The following TENM3 variants were observed in gnomAD, a reference collection of about 807,000 sequenced individuals.
The protein encoded by TENM3 is teneurin transmembrane protein 3, also known as teneurin-3.
TENM3 carries 63 observed loss-of-function variants against 255.1 expected under a neutral mutation model. The ratio of observed to expected loss-of-function variants is 0.25; its 90% CI spans 0.20 to 0.30. The LOEUF (loss-of-function observed/expected upper bound fraction) is 0.30, where lower values mean the gene tolerates loss of function less well. Among genes scored for constraint, TENM3 ranks in the 10% least tolerant of loss-of-function variants. The probability of loss-of-function intolerance (pLI) is 1.00; values close to 1 mark genes in which losing one functional copy is unlikely to be tolerated. For synonymous variants in TENM3, 1,306 were observed against 1,322.3 expected (o/e 0.99, Z 0.27); for missense variants, 2,929 against 3,461.1 (o/e 0.85, Z 3.86).
the TENM3 span, among the ~76,000 whole-genome samples, chr4:181,618,398 C>T: frequency 1.2e-3 from 179 of 152,338 alleles, 1 homozygote; most frequent in Middle Eastern, 0.017. Flanking sequence ...TGCTCGATCA[C>T]TGCTGGAAAA....
chr4:182,252,009 C>T (rs970272169), intron 1 of TENM3, among the ~76,000 whole-genome samples: 1 of 151,966 alleles, frequency 6.6e-6, no homozygotes, highest in Admixed American at 6.6e-5. Context: ...ATGGTGAAAC[C>T]CCATCTCTAC....
At chr4:182,052,682 C>T in the TENM3 span, among the ~76,000 whole-genome samples, 1 of 152,112 alleles carries the variant, frequency 6.6e-6, no homozygotes, top group Non-Finnish European at 1.5e-5. Context: ...CAACTGAGTT[C>T]TCTACTCTGG....
chr4:181,532,464 T>G, the TENM3 span, among the ~76,000 whole-genome samples: 1 of 152,064 alleles, frequency 6.6e-6, no homozygotes, highest in Admixed American at 6.5e-5. Flanking sequence ...ATAACTGGGG[T>G]CCATTTTTAA....
chr4:182,513,851 T>C (rs1351338876), intron 3 of TENM3, among the ~76,000 whole-genome samples: 1 of 152,198 alleles, frequency 6.6e-6, no homozygotes, highest in Non-Finnish European at 1.5e-5. Context: ...GCTTTCACAC[T>C]CTGGTCCATT....
intron 3 of TENM3, among the ~76,000 whole-genome samples, chr4:182,521,468 T>C (rs1185228865): frequency 6.6e-6 from 1 of 152,210 alleles, no homozygotes; most frequent in East Asian, 1.9e-4. Flanking sequence ...TATTTGCATG[T>C]AGAGTTTTAA....
At chr4:181,919,908 G>A in the TENM3 span, among the ~76,000 whole-genome samples, 12 of 101,530 alleles carry the variant, frequency 1.2e-4, no homozygotes, top group South Asian at 1.0e-3. Context: ...AACAATCCCC[G>A]GAGTGTGATG....
chr4:182,080,256 C>T, the TENM3 span, among the ~76,000 whole-genome samples: 10 of 152,118 alleles, frequency 6.6e-5, no homozygotes, highest in African/African-American at 2.2e-4. Context: ...TGTAAAATAT[C>T]GTACCTTGAC....
At chr4:182,414,322 G>A (rs942533493) in intron 3 of TENM3, among the ~76,000 whole-genome samples, 13 of 152,026 alleles carry the variant, frequency 8.6e-5, no homozygotes, top group African/African-American at 2.7e-4. Flanking sequence ...CTGTGGATCT[G>A]TCAAAATTTA....
chr4:181,935,625 A>G, the TENM3 span, among the ~76,000 whole-genome samples: 1 of 152,072 alleles, frequency 6.6e-6, no homozygotes, highest in East Asian at 1.9e-4. Flanking sequence ...ACCTCTCTCT[A>G]TTGGATACAA....
At chr4:182,139,935 T>C (rs1011843653), upstream of TENM3, among the ~76,000 whole-genome samples, 1 of 152,262 alleles carries the variant, frequency 6.6e-6, no homozygotes, top group South Asian at 2.1e-4. Flanking sequence ...CCAAAATGCA[T>C]GCACATTGAG....
the TENM3 span, among the ~76,000 whole-genome samples, chr4:182,069,965 G>A: frequency 6.6e-6 from 1 of 152,170 alleles, no homozygotes; most frequent in Admixed American, 6.5e-5. Flanking sequence ...GTCAGGGAAA[G>A]CTTCCCAGAG....
the TENM3 span, among the ~76,000 whole-genome samples, chr4:181,551,525 G>A: frequency 3.9e-5 from 6 of 151,972 alleles, no homozygotes; most frequent in Admixed American, 2.0e-4. Flanking sequence ...TTTGAGCTTC[G>A]GCAACCACTG....
chr4:181,513,896 C>A, the TENM3 span, among the ~76,000 whole-genome samples: 1 of 152,186 alleles, frequency 6.6e-6, no homozygotes, highest in Non-Finnish European at 1.5e-5. Flanking sequence ...GTTCACACCA[C>A]AGCATGAGAC....
chr4:181,844,553 A>AAG, the TENM3 span, among the ~76,000 whole-genome samples: 1 of 151,934 alleles, frequency 6.6e-6, no homozygotes, highest in Non-Finnish European at 1.5e-5. Context: ...CTGTAGTCCC[A>AAG]GCTACTCGGG....
At chr4:182,148,658 T>C (rs1222334360) in intron 1 of TENM3, among the ~76,000 whole-genome samples, 2 of 152,110 alleles carry the variant, frequency 1.3e-5, no homozygotes, top group African/African-American at 4.8e-5. Context: ...GCATGTGTTA[T>C]AACTTTATTT....
At chr4:182,558,294 T>C (rs1742780068) in intron 3 of TENM3, among the ~76,000 whole-genome samples, 1 of 152,248 alleles carries the variant, frequency 6.6e-6, no homozygotes, top group African/African-American at 2.4e-5. Context: ...ACAGCTGGAC[T>C]CTAGCTGTAA....
chr4:181,451,227 G>T, the TENM3 span, among the ~76,000 whole-genome samples: 1 of 152,132 alleles, frequency 6.6e-6, no homozygotes, highest in Non-Finnish European at 1.5e-5. Flanking sequence ...CATGGACAAA[G>T]TTCCTGAGCT....
intron 3 of TENM3, among the ~76,000 whole-genome samples, chr4:182,390,207 A>C (rs2150976482): frequency 6.6e-6 from 1 of 152,166 alleles, no homozygotes; most frequent in Non-Finnish European, 1.5e-5. Context: ...AGATTTACAG[A>C]TCCGTTTGCA....
At chr4:182,645,755 G>C (rs1008856161) in intron 5 of TENM3, among the ~76,000 whole-genome samples, 12 of 151,908 alleles carry the variant, frequency 7.9e-5, no homozygotes, top group Admixed American at 4.6e-4. Flanking sequence ...TTTCCCTATG[G>C]AAAGCAGTCC....
Sources: gnomAD v4.1 joint callset for allele counts (sites outside exome capture counted in the v4.1 genomes callset) on GRCh38, gnomAD v4.1.1 for gene constraint, MANE v1.5 for transcripts, NCBI Gene and HGNC (gene_info 2026-07-23, HGNC 2026-07-21) for gene names.